ASB3: variants seen among roughly 807,000 people sequenced by gnomAD.
ASB3 encodes ankyrin repeat and SOCS box protein 3.
Under a neutral mutation model 54.5 loss-of-function variants are expected in ASB3, and 41 were observed. The ratio of observed to expected loss-of-function variants is 0.75; its 90% CI spans 0.59 to 0.98. ASB3 has a LOEUF of 0.98. ASB3 is among the 50% of genes least tolerant of loss of function. ASB3 has a pLI of 0.00. For missense variants in ASB3, 733 were observed against 620.0 expected (o/e 1.18, Z -1.94); for synonymous variants, 266 against 221.2 (o/e 1.20, Z -1.80).
chr2:53,727,826 A>T (rs1401260625), intron 5 of ASB3, among the ~76,000 whole-genome samples: 1 of 152,048 alleles, frequency 6.6e-6, no homozygotes, highest in Non-Finnish European at 1.5e-5. Flanking sequence ...CCCAGGTTCA[A>T]GCAATTCTCA....
At chr2:53,701,335 T>C (rs1164479479) in intron 7 of ASB3, among the ~76,000 whole-genome samples, 1 of 152,174 alleles carries the variant, frequency 6.6e-6, no homozygotes, top group African/African-American at 2.4e-5. Context: ...ATACTACATC[T>C]TAAAATTAAT....
intron 7 of ASB3, among the ~76,000 whole-genome samples, chr2:53,708,521 G>C (rs896294629): frequency 3.3e-5 from 5 of 152,236 alleles, no homozygotes; most frequent in Non-Finnish European, 7.3e-5. Context: ...TAAAAATGTG[G>C]AAGCAACTTG....
intron 9 of ASB3, among the ~76,000 whole-genome samples, chr2:53,687,145 A>G (rs548232214): frequency 6.6e-6 from 1 of 152,316 alleles, no homozygotes; most frequent in African/African-American, 2.4e-5. Flanking sequence ...TTCCCCACAA[A>G]AACAAAACCC....
At chr2:53,740,875 C>A (rs187382319) in intron 3 of ASB3, among the ~76,000 whole-genome samples, 1 of 152,274 alleles carries the variant, frequency 6.6e-6, no homozygotes, top group East Asian at 1.9e-4. Context: ...ATTCCACTAT[C>A]CTATTATATA....
Position 53,738,124 on chromosome 2 carries a change from G to T in ASB3, c.356-8554C>A, listed in dbSNP as rs79978181. Among the ~76,000 whole-genome samples the T allele has an allele frequency of 9.5e-3, 1,446 of 152,260 alleles. 12 individuals carry two copies. Among genetic ancestry groups the T allele is most frequent in the Non-Finnish European group, 0.015 (1,031 of 68,014 alleles). ...GTAAGCCCATGATATCAGGAACTAA[G>T]CCTGATAGTGTAGAGGCCTGATAAT... On this transcript the variant is annotated intron_variant, in intron 3 of 9. Coordinates refer to ENST00000263634, the MANE Select transcript of ASB3 (RefSeq NM_016115.5).
At chr2:53,776,534 G>A (rs1674346989) in intron 1 of ASB3, among the ~76,000 whole-genome samples, 1 of 152,168 alleles carries the variant, frequency 6.6e-6, no homozygotes, top group African/African-American at 2.4e-5. Flanking sequence ...TTTGGCCAGT[G>A]TAGTGGCTCA....
intron 5 of ASB3, among the ~76,000 whole-genome samples, chr2:53,722,870 C>T (rs1670785862): frequency 6.6e-6 from 1 of 152,086 alleles, no homozygotes; most frequent in African/African-American, 2.4e-5. Flanking sequence ...AAATAAAAGG[C>T]ATCCAAATAG....
At chr2:53,756,629 A>G (rs1382384412) in intron 2 of ASB3, among the ~76,000 whole-genome samples, 1 of 152,176 alleles carries the variant, frequency 6.6e-6, no homozygotes, top group Admixed American at 6.5e-5. Context: ...CCTAAAAGAA[A>G]AAAAAGGCAG....
At chr2:53,736,086 C>A (rs935074486) in intron 3 of ASB3, among the ~76,000 whole-genome samples, 4 of 148,034 alleles carry the variant, frequency 2.7e-5, no homozygotes, top group Non-Finnish European at 4.5e-5. Context: ...AAGCAATAAA[C>A]ATAAAGGTAA....
At chr2:53,732,160 T>A (rs1189823947) in intron 3 of ASB3, among the ~76,000 whole-genome samples, 1 of 151,874 alleles carries the variant, frequency 6.6e-6, no homozygotes, top group Non-Finnish European at 1.5e-5. Context: ...GGTTTCACCA[T>A]GTTGGCCAAG....
chr2:53,675,647 A>G (rs1311275959), intron 9 of ASB3, among the ~76,000 whole-genome samples: 2 of 152,158 alleles, frequency 1.3e-5, no homozygotes, highest in Non-Finnish European at 2.9e-5. Flanking sequence ...TCATCTGGTA[A>G]ATTTCTATTT....
At chr2:53,694,955 C>A (rs2103737314) in intron 8 of ASB3, among the ~76,000 whole-genome samples, 1 of 152,106 alleles carries the variant, frequency 6.6e-6, no homozygotes, top group Admixed American at 6.5e-5. Flanking sequence ...AAAATTTAGT[C>A]AAACCTTTAA....
intron 5 of ASB3, 95 bp from the exon 6 acceptor site, chr2:53,716,838 C>G: frequency 1.5e-6 from 2 of 1,349,734 alleles, no homozygotes; most frequent in Non-Finnish European, 2.0e-6. Context: ...GGTTTCGTAG[C>G]ACGGTAAGCT....
At chr2:53,682,466 TCA>T (rs1283098800) in intron 9 of ASB3, among the ~76,000 whole-genome samples, 1 of 152,110 alleles carries the variant, frequency 6.6e-6, no homozygotes, top group Non-Finnish European at 1.5e-5. Context: ...TATTTCTTTT[TCA>T]GATTGTTCAC....
At chr2:53,717,769 T>C (rs1028249412) in intron 5 of ASB3, among the ~76,000 whole-genome samples, 1 of 151,868 alleles carries the variant, frequency 6.6e-6, no homozygotes, top group African/African-American at 2.4e-5. Context: ...CCAGACAAGG[T>C]TGAAAATAAA....
At chr2:53,747,735 C>G (rs891854510) in intron 3 of ASB3, among the ~76,000 whole-genome samples, 1 of 152,062 alleles carries the variant, frequency 6.6e-6, no homozygotes, top group Non-Finnish European at 1.5e-5. Context: ...AACACTCTTT[C>G]TAGTTAAGGG....
intron 1 of ASB3, among the ~76,000 whole-genome samples, chr2:53,770,340 A>G (rs1227957767): frequency 6.6e-6 from 1 of 152,192 alleles, no homozygotes; most frequent in Admixed American, 6.5e-5. Flanking sequence ...AAATAGCAAC[A>G]AAGATGACAC....
chr2:53,728,899 G>T, intron 4 of ASB3, 52 bp from the exon 5 acceptor site: 5 of 1,503,644 alleles, frequency 3.3e-6, no homozygotes, highest in South Asian at 1.4e-5. Context: ...AAAATAGAAG[G>T]TATCTTTCTT....
At chr2:53,757,853 T>C (rs1439490029) in intron 2 of ASB3, among the ~76,000 whole-genome samples, 1 of 152,218 alleles carries the variant, frequency 6.6e-6, no homozygotes, top group Non-Finnish European at 1.5e-5. Flanking sequence ...CCCTGATTTT[T>C]ACCCAGCTTA....
Sources: allele counts gnomAD v4.1 joint callset (sites outside exome capture counted in the v4.1 genomes callset), GRCh38; gene constraint gnomAD v4.1.1; transcripts MANE v1.5; gene names NCBI Gene and HGNC (gene_info 2026-07-23, HGNC 2026-07-21).